Variants in SNTG1 observed in about 807,000 individuals in gnomAD.
SNTG1 encodes gamma-1-syntrophin.
Under a neutral mutation model 74.7 loss-of-function variants are expected in SNTG1, and 39 were observed. The ratio of observed to expected loss-of-function variants is 0.52; its 90% CI spans 0.40 to 0.68. The LOEUF (loss-of-function observed/expected upper bound fraction) is 0.68. Among genes scored for constraint, SNTG1 ranks in the 30% least tolerant of loss-of-function variants. The pLI is 0.00. For synonymous variants in SNTG1, 254 were observed against 217.1 expected (o/e 1.17, Z -1.49); for missense variants, 685 against 609.5 (o/e 1.12, Z -1.30).
At chr8:50,789,854 A>C (rs2095686139) in intron 18 of SNTG1, among the ~76,000 whole-genome samples, 1 of 152,032 alleles carries the variant, frequency 6.6e-6, no homozygotes, top group South Asian at 2.1e-4. Context: ...AAAACTCATA[A>C]AGGCTCATGC....
At chr8:50,510,395 G>A (rs2094058278) in intron 9 of SNTG1, among the ~76,000 whole-genome samples, 1 of 152,096 alleles carries the variant, frequency 6.6e-6, no homozygotes, top group Non-Finnish European at 1.5e-5. Context: ...TCGTGTCTCT[G>A]CCAGCCTTTG....
At chr8:50,757,907 G>A (rs111723089) in intron 18 of SNTG1, among the ~76,000 whole-genome samples, 119 of 151,832 alleles carry the variant, frequency 7.8e-4, no homozygotes, top group African/African-American at 2.6e-3. Flanking sequence ...AACCAAGTCC[G>A]CCTTCAAAAC....
intron 1 of SNTG1, among the ~76,000 whole-genome samples, chr8:50,153,617 T>C (rs978840462): frequency 6.6e-6 from 1 of 152,226 alleles, no homozygotes; most frequent in African/African-American, 2.4e-5. Context: ...GTTTTCCTTC[T>C]ACCAGTCAGG....
chr8:50,748,277 T>C (rs1051796324), intron 17 of SNTG1, among the ~76,000 whole-genome samples: 1 of 152,006 alleles, frequency 6.6e-6, no homozygotes, highest in Non-Finnish European at 1.5e-5. Context: ...CCTTTACCAA[T>C]CTCATTTTCT....
intron 9 of SNTG1, among the ~76,000 whole-genome samples, chr8:50,528,966 C>T (rs926054140): frequency 3.3e-5 from 5 of 150,882 alleles, no homozygotes; most frequent in Non-Finnish European, 7.4e-5. Flanking sequence ...GTTCAATTTG[C>T]TCCTCCATTC....
At chr8:50,380,784 G>A (rs750156015) in intron 2 of SNTG1, among the ~76,000 whole-genome samples, 2 of 152,096 alleles carry the variant, frequency 1.3e-5, no homozygotes, top group Non-Finnish European at 2.9e-5. Flanking sequence ...TTAATCAACA[G>A]CTATTGTTGC....
intron 2 of SNTG1, among the ~76,000 whole-genome samples, chr8:50,255,775 G>T (rs976078855): frequency 1.1e-4 from 16 of 152,122 alleles, no homozygotes; most frequent in African/African-American, 3.9e-4. Flanking sequence ...ACACTGCACT[G>T]ATCCTATTTC....
intron 1 of SNTG1, among the ~76,000 whole-genome samples, chr8:49,926,793 A>C (rs917223074): frequency 6.6e-6 from 1 of 152,196 alleles, no homozygotes; most frequent in Non-Finnish European, 1.5e-5. Flanking sequence ...TGTCAAGAGA[A>C]TAAGAAGACA....
At chr8:50,580,376 TG>T (rs1467205232) in intron 12 of SNTG1, among the ~76,000 whole-genome samples, 2 of 152,204 alleles carry the variant, frequency 1.3e-5, no homozygotes, top group East Asian at 3.9e-4. Context: ...GAGTTAATGC[TG>T]GAATGAGTTA....
intron 12 of SNTG1, among the ~76,000 whole-genome samples, chr8:50,580,950 C>T (rs1181281374): frequency 6.6e-6 from 1 of 152,126 alleles, no homozygotes; most frequent in Non-Finnish European, 1.5e-5. Flanking sequence ...TCCTGAGAGA[C>T]ACATGGGCCA....
At chr8:50,318,815 C>T (rs570576077) in intron 2 of SNTG1, among the ~76,000 whole-genome samples, 1 of 152,180 alleles carries the variant, frequency 6.6e-6, no homozygotes, top group South Asian at 2.1e-4. Context: ...CACATCCATC[C>T]TATCATCAAC....
At chr8:50,709,266 A>C in intron 17 of SNTG1, 1 of 385,912 alleles carries the variant, frequency 2.6e-6, no homozygotes, top group Non-Finnish European at 4.6e-6. Context: ...TAAAGATATG[A>C]CTTTATAATT....
chr8:49,953,952 A>G (rs942032687), intron 1 of SNTG1, among the ~76,000 whole-genome samples: 1 of 152,236 alleles, frequency 6.6e-6, no homozygotes, highest in Non-Finnish European at 1.5e-5. Flanking sequence ...TTATATTCAT[A>G]GCAAAAATGT....
At chr8:50,577,136 A>C (rs2094581250) in intron 12 of SNTG1, among the ~76,000 whole-genome samples, 1 of 152,110 alleles carries the variant, frequency 6.6e-6, no homozygotes, top group Non-Finnish European at 1.5e-5. Context: ...ATGTTCCGTT[A>C]AGGTAGTTTC....
chr8:50,178,404 C>CGT (rs1563701305), intron 2 of SNTG1, among the ~76,000 whole-genome samples: 1 of 149,800 alleles, frequency 6.7e-6, no homozygotes, highest in African/African-American at 2.5e-5. Flanking sequence ...CACACACGTG[C>CGT]GCGCGCACAC....
chr8:50,264,504 A>G (rs1294984095), intron 2 of SNTG1, among the ~76,000 whole-genome samples: 1 of 151,954 alleles, frequency 6.6e-6, no homozygotes, highest in Non-Finnish European at 1.5e-5. Flanking sequence ...CAGGAGGCAG[A>G]AGTTGCAGTG....
intron 18 of SNTG1, among the ~76,000 whole-genome samples, chr8:50,765,551 GTGATGA>G (rs2095611545): frequency 6.6e-6 from 1 of 151,938 alleles, no homozygotes. Flanking sequence ...TCCAGGGTTT[GTGATGA>G]TACTTAGGAA....
intron 1 of SNTG1, among the ~76,000 whole-genome samples, chr8:50,145,906 A>G (rs1424961703): frequency 1.3e-5 from 2 of 151,728 alleles, no homozygotes; most frequent in Non-Finnish European, 2.9e-5. Context: ...AAATTCTAAT[A>G]AAAATATATA....
At chr8:49,989,809 A>G (rs1490661232) in intron 1 of SNTG1, among the ~76,000 whole-genome samples, 1 of 152,058 alleles carries the variant, frequency 6.6e-6, no homozygotes, top group Non-Finnish European at 1.5e-5. Context: ...AAACCAAACA[A>G]TGTAATATAT....
Sources: allele counts gnomAD v4.1 joint callset (sites outside exome capture counted in the v4.1 genomes callset), GRCh38; gene constraint gnomAD v4.1.1; transcripts MANE v1.5; gene names NCBI Gene and HGNC (gene_info 2026-07-23, HGNC 2026-07-21).